The following NYAP2 variants were observed in gnomAD, a reference collection of about 807,000 sequenced individuals.
NYAP2 encodes neuronal tyrosine-phosphorylated phosphoinositide-3-kinase adapter 2.
NYAP2 carries 23 observed loss-of-function variants against 50.4 expected under a neutral mutation model. The ratio of observed to expected loss-of-function variants is 0.46; its 90% CI spans 0.33 to 0.65. NYAP2 has a LOEUF of 0.65. Among genes scored for constraint, NYAP2 ranks in the 30% least tolerant of loss-of-function variants. The probability of loss-of-function intolerance (pLI) is 0.02; values close to 1 mark genes in which losing one functional copy is unlikely to be tolerated. For missense variants in NYAP2, 885 were observed against 861.0 expected, an observed-to-expected ratio of 1.03 and a Z score of -0.35; for synonymous variants, 394 against 365.2, an observed-to-expected ratio of 1.08 and a Z score of -0.90.
the NYAP2 span, among the ~76,000 whole-genome samples, chr2:225,662,866 C>T: frequency 6.6e-6 from 1 of 152,156 alleles, no homozygotes; most frequent in African/African-American, 2.4e-5. Context: ...CTGATATAAA[C>T]CTAAATAATG....
chr2:225,546,247 A>G (rs1474609881), intron 4 of NYAP2, among the ~76,000 whole-genome samples: 1 of 152,286 alleles, frequency 6.6e-6, no homozygotes, highest in Non-Finnish European at 1.5e-5. Context: ...GAAGCCAGCC[A>G]TGTTTGCGTC....
intron 4 of NYAP2, among the ~76,000 whole-genome samples, chr2:225,572,143 C>G (rs2217490): frequency 0.92 from 139,868 of 152,246 alleles, 64,375 homozygotes; most frequent in Middle Eastern, 0.98. Context: ...TTCAACAAGT[C>G]TCTCTAGGAA....
intron 6 of NYAP2, among the ~76,000 whole-genome samples, chr2:225,644,378 C>G (rs1467622497): frequency 2.7e-5 from 4 of 150,766 alleles, no homozygotes; most frequent in Admixed American, 2.0e-4. Flanking sequence ...AAATTTTCTC[C>G]CATTTTGTAG....
At chr2:225,555,800 G>T (rs897699911) in intron 4 of NYAP2, among the ~76,000 whole-genome samples, 31 of 152,150 alleles carry the variant, frequency 2.0e-4, no homozygotes, top group Non-Finnish European at 4.3e-4. Flanking sequence ...GAATCACCTT[G>T]AGAGCTGGTG....
chr2:225,671,992 T>C, the NYAP2 span, among the ~76,000 whole-genome samples: 1 of 152,106 alleles, frequency 6.6e-6, no homozygotes, highest in African/African-American at 2.4e-5. Context: ...ATCCACACTT[T>C]TTTTTTTCAT....
At chr2:225,616,286 A>G (rs1240265663) in intron 5 of NYAP2, among the ~76,000 whole-genome samples, 2 of 152,170 alleles carry the variant, frequency 1.3e-5, no homozygotes, top group Admixed American at 6.5e-5. Context: ...ACCCCAAATA[A>G]CAGTTTATAC....
chr2:225,686,529 T>C, the NYAP2 span, among the ~76,000 whole-genome samples: 1 of 152,152 alleles, frequency 6.6e-6, no homozygotes, highest in Non-Finnish European at 1.5e-5. Context: ...AATATGTATG[T>C]AAGGATTACT....
the NYAP2 span, among the ~76,000 whole-genome samples, chr2:225,667,906 T>C: frequency 6.6e-6 from 1 of 152,032 alleles, no homozygotes; most frequent in Admixed American, 6.5e-5. Context: ...TTTCTGAATA[T>C]TTGAACATGA....
chr2:225,409,589 G>A (rs545429202), intron 3 of NYAP2, among the ~76,000 whole-genome samples: 1 of 152,122 alleles, frequency 6.6e-6, no homozygotes, highest in African/African-American at 2.4e-5. Flanking sequence ...CTCTCCCTAT[G>A]CAGACTTTTA....
intron 4 of NYAP2, among the ~76,000 whole-genome samples, chr2:225,526,382 G>A (rs1222104762): frequency 1.3e-5 from 2 of 152,196 alleles, no homozygotes; most frequent in East Asian, 1.9e-4. Flanking sequence ...TTGCTGGGCT[G>A]TATTCTCAGG....
At chr2:225,560,507 C>A (rs1055213197) in intron 4 of NYAP2, among the ~76,000 whole-genome samples, 2 of 152,030 alleles carry the variant, frequency 1.3e-5, no homozygotes, top group Non-Finnish European at 2.9e-5. Flanking sequence ...TGCTAAATTG[C>A]CCACCTAAAC....
intron 5 of NYAP2, among the ~76,000 whole-genome samples, chr2:225,622,787 C>G (rs1693144537): frequency 6.6e-6 from 1 of 151,706 alleles, no homozygotes; most frequent in South Asian, 2.1e-4. Context: ...ACCATGTTGG[C>G]CAGGCCAGGC....
intron 3 of NYAP2, among the ~76,000 whole-genome samples, chr2:225,448,439 C>G (rs1392480616): frequency 6.6e-6 from 1 of 152,098 alleles, no homozygotes; most frequent in Admixed American, 6.5e-5. Flanking sequence ...AAGCAGCTAC[C>G]TCTCTTTTAA....
upstream of NYAP2, among the ~76,000 whole-genome samples, chr2:225,398,886 T>G (rs768406033): frequency 5.3e-4 from 81 of 152,074 alleles, 1 homozygote; most frequent in Admixed American, 1.3e-3. Context: ...TGTAATGTGT[T>G]GATTTTATTT....
chr2:225,613,709 A>G (rs1342466050), intron 5 of NYAP2, among the ~76,000 whole-genome samples: 1 of 152,206 alleles, frequency 6.6e-6, no homozygotes, highest in Non-Finnish European at 1.5e-5. Context: ...TTCCAATAGT[A>G]ACTAGAAGAC....
At chr2:225,674,652 T>G in the NYAP2 span, among the ~76,000 whole-genome samples, 1 of 152,076 alleles carries the variant, frequency 6.6e-6, no homozygotes, top group Non-Finnish European at 1.5e-5. Flanking sequence ...GTCTGTTGAT[T>G]TTTCTCCTTT....
At chr2:225,576,116 T>A (rs773672133) in intron 4 of NYAP2, among the ~76,000 whole-genome samples, 1 of 152,230 alleles carries the variant, frequency 6.6e-6, no homozygotes, top group Non-Finnish European at 1.5e-5. Flanking sequence ...TTTTCCAATG[T>A]TCTGCATCCT....
chr2:225,693,486 C>T, the NYAP2 span, among the ~76,000 whole-genome samples: 10 of 151,954 alleles, frequency 6.6e-5, no homozygotes, highest in Non-Finnish European at 1.0e-4. Flanking sequence ...GGTTTCTTGT[C>T]CGTTTGGGGT....
At chr2:225,424,473 T>C (rs1695258174) in intron 3 of NYAP2, among the ~76,000 whole-genome samples, 1 of 152,072 alleles carries the variant, frequency 6.6e-6, no homozygotes, top group Non-Finnish European at 1.5e-5. Flanking sequence ...TAAATTTTTT[T>C]TAATATTGGC....
Sources: gnomAD v4.1 joint callset for allele counts (sites outside exome capture counted in the v4.1 genomes callset) on GRCh38, gnomAD v4.1.1 for gene constraint, MANE v1.5 for transcripts, NCBI Gene and HGNC (gene_info 2026-07-23, HGNC 2026-07-21) for gene names.